The following BRF1 variants were observed in gnomAD, a reference collection of about 807,000 sequenced individuals.
BRF1 encodes the protein transcription factor IIIB 90 kDa subunit.
Under a neutral mutation model 81.7 loss-of-function variants are expected in BRF1, and 59 were observed. That is an observed-to-expected ratio of 0.72 (90% CI 0.59 to 0.90). The LOEUF is 0.90. Ranked by LOEUF, BRF1 falls within the 40% of genes least tolerant of loss-of-function variation. The pLI is 0.00. For missense variants in BRF1, 1,050 were observed against 936.3 expected, an observed-to-expected ratio of 1.12 and a Z score of -1.58; for synonymous variants, 491 against 395.6, an observed-to-expected ratio of 1.24 and a Z score of -2.86.
In BRF1 at chr14:105,210,269, G is replaced by C. The variant is rs1229472559; in HGVS notation, c.*282C>G. 2.1e-6 allele frequency: 1 copy of C among 477,034 alleles called. No individual in the cohort carries two copies. Among genetic ancestry groups the C allele is most frequent in the Non-Finnish European group, 3.8e-6 (1 of 260,708 alleles). The allele number at this position is 477,034 out of a possible 1,614,324, so 29.6% of individuals were successfully genotyped here. A position where few individuals can be genotyped will look rare whatever the true frequency, so the allele number is the denominator to read the frequency against. On this transcript the variant is annotated 3_prime_UTR_variant, in exon 18 of 18. Coordinates refer to ENST00000547530, the MANE Select transcript of BRF1 (RefSeq NM_001519.4). The surrounding 1 kb of genome is among the most constrained non-coding windows in gnomAD (Gnocchi z 4.7). Reference sequence around the variant, plus strand: ...CAACACCACACTGCCAGCCTTGGAGGGTCCTTGGATGAGTCGACGGCAGGC... The same window carrying C: ...CAACACCACACTGCCAGCCTTGGAGCGTCCTTGGATGAGTCGACGGCAGGC...
intron 10 of BRF1, among the ~76,000 whole-genome samples, chr14:105,224,476 T>A (rs970749610): frequency 6.6e-6 from 1 of 152,248 alleles, no homozygotes; most frequent in Non-Finnish European, 1.5e-5. Flanking sequence ...AAATAAATTA[T>A]GTAGATTACT....
chr14:105,258,975 C>T (rs587666701), intron 3 of BRF1, among the ~76,000 whole-genome samples: 11 of 152,256 alleles, frequency 7.2e-5, no homozygotes, highest in African/African-American at 1.2e-4. Context: ...GCCACGAGCC[C>T]GCGACGTCAC....
At chr14:105,220,184 C>T (rs1892048934) in intron 11 of BRF1, 54 bp from the exon 12 acceptor site, 13 of 1,605,636 alleles carry the variant, frequency 8.1e-6, no homozygotes, top group South Asian at 2.2e-5. Context: ...ATTATAGGAG[C>T]GTGGCCACCA....
intron 11 of BRF1, 111 bp downstream of exon 11, chr14:105,221,534 GACC>G: frequency 2.8e-6 from 4 of 1,432,862 alleles, no homozygotes; most frequent in African/African-American, 2.9e-5. Flanking sequence ...CACCGCCCGA[GACC>G]ACCACACCTC....
At chr14:105,305,488 G>A (rs890474899), upstream of BRF1, among the ~76,000 whole-genome samples, 3 of 152,192 alleles carry the variant, frequency 2.0e-5, no homozygotes, top group African/African-American at 7.2e-5. Flanking sequence ...CAGGAAGAGG[G>A]CACTGTCTAT....
At chr14:105,282,810 G>GT in intron 2 of BRF1, among the ~76,000 whole-genome samples, 1 of 152,244 alleles carries the variant, frequency 6.6e-6, no homozygotes, top group Admixed American at 6.5e-5. Flanking sequence ...GTGGGCACTT[G>GT]TAACTCCAGC....
intron 1 of BRF1, among the ~76,000 whole-genome samples, chr14:105,313,076 T>A (rs1595531475): frequency 6.6e-6 from 1 of 152,152 alleles, no homozygotes; most frequent in South Asian, 2.1e-4. Flanking sequence ...TGGCAGCTGG[T>A]GCCAAGCCCT....
chr14:105,290,165 A>G (rs1486980836), intron 1 of BRF1, among the ~76,000 whole-genome samples: 1 of 151,802 alleles, frequency 6.6e-6, no homozygotes, highest in East Asian at 1.9e-4. Flanking sequence ...CACGCCTATA[A>G]CCCCAGCACT....
At chr14:105,241,836 A>T (rs1315533322) in intron 5 of BRF1, 4 of 222,998 alleles carry the variant, frequency 1.8e-5, no homozygotes, top group African/African-American at 4.5e-5. Context: ...GCTGACACTC[A>T]TGGGTGAGAG....
intron 1 of BRF1, among the ~76,000 whole-genome samples, chr14:105,286,677 C>T (rs775062159): frequency 1.3e-5 from 2 of 152,184 alleles, no homozygotes; most frequent in South Asian, 2.1e-4. Context: ...CCCATCTCCA[C>T]TCACTGCAAG....
Position 105,220,005 on chromosome 14 carries a change from G to A in BRF1, c.1377+64C>T. On this transcript the variant is annotated intron_variant, in intron 12 of 17. Transcript: ENST00000547530. ...TGGCCAACCCCGCCCGACCACTCAG[G>A]GCTCCTTGGGCTGCAGCGCCCTCCC... The A allele has an allele frequency of 2.5e-6, 4 of 1,593,750 alleles. No homozygotes were observed. The South Asian group carries it at 4.4e-5, about 18-fold the overall frequency.
At chr14:105,273,939 C>T (rs1190692817) in intron 2 of BRF1, among the ~76,000 whole-genome samples, 2 of 152,202 alleles carry the variant, frequency 1.3e-5, no homozygotes, top group East Asian at 1.9e-4. Context: ...AGGAAGGCCT[C>T]TTGCAGTTGA....
At chr14:105,248,561 G>C in intron 5 of BRF1, 2 of 898,858 alleles carry the variant, frequency 2.2e-6, no homozygotes, top group Middle Eastern at 5.7e-4. Flanking sequence ...GCCGCGGCGG[G>C]TACGGGCTCG....
At chr14:105,268,090 C>T (rs1008655490) in intron 3 of BRF1, among the ~76,000 whole-genome samples, 1 of 152,248 alleles carries the variant, frequency 6.6e-6, no homozygotes, top group African/African-American at 2.4e-5. Context: ...CCCTCTAGGG[C>T]TCACCAGCCT....
rs1053130297 is a variant in BRF1 at position 105,314,975 on chromosome 14, C to G, written c.-162+347G>C. 1.1e-5 allele frequency: 14 copies of G among 1,243,376 alleles called. No individual in the cohort carries two copies. The highest frequency in any genetic ancestry group is 1.0e-5 in the Non-Finnish European group (10 of 970,838). The allele number at this position is 1,243,376 out of a possible 1,614,324, so 77.0% of individuals were successfully genotyped here. ...GCGCGCCCGGCGCGCTCAACACGCC[C>G]GTGCCCATGAACCTGTTCGCCACCT... On this transcript the variant is annotated intron_variant, in intron 1 of 17. Transcript: ENST00000327359.
chr14:105,313,034 G>A (rs2058389019), intron 1 of BRF1, among the ~76,000 whole-genome samples: 1 of 152,154 alleles, frequency 6.6e-6, no homozygotes, highest in Non-Finnish European at 1.5e-5. Context: ...TCACAACGGT[G>A]CCTGGCACAG....
intron 5 of BRF1, chr14:105,247,899 T>C (rs1035787650): frequency 1.7e-5 from 17 of 985,500 alleles, no homozygotes; most frequent in Non-Finnish European, 2.0e-5. Flanking sequence ...CCTCCCAGGA[T>C]TAGCCCCAGG....
chr14:105,219,289 T>C, intron 12 of BRF1, 57 bp from the exon 13 acceptor site: 1 of 1,598,988 alleles, frequency 6.3e-7, no homozygotes, highest in Non-Finnish European at 8.6e-7. Flanking sequence ...CGGGGCATGC[T>C]AAGGTCGCGC....
chr14:105,217,924 C>A, intron 14 of BRF1, 124 bp from the exon 15 acceptor site: 1 of 1,397,978 alleles, frequency 7.2e-7, no homozygotes, highest in Non-Finnish European at 9.6e-7. Flanking sequence ...AGAAGGGCCG[C>A]TCCTGCCTCC....
Sources: allele counts gnomAD v4.1 joint callset (sites outside exome capture counted in the v4.1 genomes callset), GRCh38; gene constraint gnomAD v4.1.1; non-coding constraint Gnocchi (gnomAD v3.1); transcripts MANE v1.5; gene names NCBI Gene and HGNC (gene_info 2026-07-23, HGNC 2026-07-21).